Variants in KCNT1 observed in about 807,000 individuals in gnomAD.
The protein encoded by KCNT1 is potassium sodium-activated channel subfamily T member 1.
Under a neutral mutation model 147.8 loss-of-function variants are expected in KCNT1, and 78 were observed. The ratio of observed to expected loss-of-function variants is 0.53; its 90% CI spans 0.44 to 0.64. The LOEUF (loss-of-function observed/expected upper bound fraction) is 0.64. Among genes scored for constraint, KCNT1 ranks in the 30% least tolerant of loss-of-function variants. KCNT1 has a pLI of 0.00. For synonymous variants in KCNT1, 867 were observed against 748.8 expected (o/e 1.16, Z -2.58); for missense variants, 1,419 against 1,750.3 (o/e 0.81, Z 3.38).
At chr9:135,733,955 C>A (rs942632287) in intron 2 of KCNT1, among the ~76,000 whole-genome samples, 3 of 150,370 alleles carry the variant, frequency 2.0e-5, no homozygotes, top group African/African-American at 7.4e-5. Context: ...CGCTGTCCCT[C>A]CCCCCTAGTC....
Position 135,770,853 on chromosome 9 carries a change from C to T in KCNT1, c.1770-4C>T. ...TACCTGAAGTTGCCGGTGCCTCTGC[C>T]CAGGTATGGCGTGTGCCTCATCGGG... On this transcript the variant is annotated splice_region_variant and splice_polypyrimidine_tract_variant and intron_variant, in intron 17 of 30. Transcript: ENST00000371757. 1.3e-6 allele frequency: 2 copies of T among 1,562,988 alleles called. No homozygotes were observed. Among genetic ancestry groups the T allele is most frequent in the South Asian group, 1.2e-5 (1 of 85,422 alleles).
In KCNT1 at chr9:135,777,526, C is replaced by A; in HGVS notation, c.2522+16C>A. The A allele has an allele frequency of 6.2e-7, 1 of 1,608,888 alleles. No individual in the cohort carries two copies. Among genetic ancestry groups the A allele is most frequent in the Middle Eastern group, 2.0e-4 (1 of 4,924 alleles). On this transcript the variant is annotated intron_variant, in intron 21 of 30. Transcript: ENST00000371757. Reference sequence around the variant, plus strand: ...TGGACAACAAGTGAGGCTCCTGGGGCTCAGCCCACCCCGCCCACCCGGGCC... The same window carrying A: ...TGGACAACAAGTGAGGCTCCTGGGGATCAGCCCACCCCGCCCACCCGGGCC...
intron 19 of KCNT1, among the ~76,000 whole-genome samples, chr9:135,774,270 TTGTG>T (rs925902617): frequency 6.9e-6 from 1 of 143,960 alleles, no homozygotes; most frequent in South Asian, 2.3e-4. Context: ...GTGGTGTCTG[TTGTG>T]TGTGTGGTGT....
rs568155737 is a variant in KCNT1, at chr9:135,759,170, C to T, written c.855-509C>T. Among the ~76,000 whole-genome samples, 4 of 152,224 alleles carry T rather than the reference C, an allele frequency of 2.6e-5. No homozygotes were observed. In the South Asian group the frequency reaches 6.2e-4, roughly 24 times the overall value. The stretch of plus-strand genomic sequence containing the variant: ...AGCATCTGGGACCTGGCGGCGACCC[C>T]AGCCCTGCCCATTAGACCTCCCAGC... On this transcript the variant is annotated intron_variant, in intron 10 of 30. Transcript: ENST00000371757.
rs1394130616 is a variant in KCNT1 at position 135,785,212 on chromosome 9, A to C, written c.3157-98A>C. The C allele has an allele frequency of 7.7e-6, 12 of 1,548,826 alleles. No homozygotes were observed. In the East Asian group the frequency reaches 2.7e-4, roughly 35 times the overall value. On this transcript the variant is annotated intron_variant, in intron 27 of 30. Transcript: ENST00000371757. ...CCACACAGCAGCAGGCACCGTGCCC[A>C]CCAGCCCTAAGCATGTTCCGTGCAG...
In KCNT1 at chr9:135,750,926, G is replaced by A. The variant is rs151217665; in HGVS notation, c.335-16G>A. On this transcript the variant is annotated splice_polypyrimidine_tract_variant and intron_variant, in intron 3 of 30. Coordinates refer to ENST00000371757, the MANE Select transcript of KCNT1 (RefSeq NM_020822.3). The stretch of plus-strand genomic sequence containing the variant: ...AGAGCTGGGTCAGAGCCCTGAGGCC[G>A]CTGCCCTCCCCGCAGGCCTGAGGAT... The A allele has an allele frequency of 5.0e-4, 811 of 1,610,266 alleles. 11 individuals are homozygous for A. In the East Asian group the frequency reaches 0.017, roughly 34 times the overall value.
intron 7 of KCNT1, 60 bp downstream of exon 7, chr9:135,756,992 G>GCCCCCCCCCCCCC (rs1564351666): frequency 1.5e-6 from 1 of 688,794 alleles, no homozygotes; most frequent in Non-Finnish European, 2.2e-6. Flanking sequence ...ACCCTCCCCA[G>GCCCCCCCCCCCCC]CCTCCCCCAC....
chr9:135,778,860 C>A (rs372536100), intron 23 of KCNT1, 38 bp downstream of exon 23: 4 of 1,602,550 alleles, frequency 2.5e-6, no homozygotes, highest in East Asian at 2.2e-5. Context: ...TAAACCACCC[C>A]ACAGCCACGA....
rs575988226 is a variant in KCNT1, at chr9:135,765,884, A to T, written c.1337+124A>T. ...GAGAGCCATGAGAGCATTATAGACTATCCCCAGGGTGGACCATCTAGGTGG... is the reference window on the plus strand; with the variant it reads ...GAGAGCCATGAGAGCATTATAGACTTTCCCCAGGGTGGACCATCTAGGTGG... On this transcript the variant is annotated intron_variant, in intron 13 of 30. Coordinates refer to ENST00000371757, the MANE Select transcript of KCNT1 (RefSeq NM_020822.3). 28 of 927,930 alleles carry T rather than the reference A, an allele frequency of 3.0e-5. 1 individual carries two copies. The highest frequency in any genetic ancestry group is 8.6e-5 in the South Asian group (5 of 58,098). 57.5% of individuals were successfully genotyped at this position (927,930 alleles called of 1,614,324 possible).
intron 2 of KCNT1, among the ~76,000 whole-genome samples, chr9:135,728,351 A>G (rs1836300294): frequency 6.6e-6 from 1 of 152,218 alleles, no homozygotes; most frequent in Non-Finnish European, 1.5e-5. Context: ...GTTTGGAGGG[A>G]GAACATCGGG....
intron 2 of KCNT1, among the ~76,000 whole-genome samples, chr9:135,740,222 A>G (rs1037263874): frequency 6.6e-6 from 1 of 152,154 alleles, no homozygotes; most frequent in African/African-American, 2.4e-5. Context: ...GGACTTCAGC[A>G]TGTTAGCCTG....
intron 29 of KCNT1, among the ~76,000 whole-genome samples, chr9:135,787,252 TGTG>T (rs974337923): frequency 7.9e-5 from 12 of 151,954 alleles, no homozygotes; most frequent in Non-Finnish European, 1.6e-4. Context: ...CTCTGCGCCT[TGTG>T]GTGGGAAGTG....
intron 10 of KCNT1, among the ~76,000 whole-genome samples, chr9:135,759,075 TC>T (rs896121247): frequency 6.6e-6 from 1 of 151,934 alleles, no homozygotes; most frequent in African/African-American, 2.4e-5. Context: ...CCGCCTCCCT[TC>T]CCCCCTGCCC....
intron 29 of KCNT1, chr9:135,791,424 AGGT>A: frequency 8.6e-5 from 21 of 245,572 alleles, no homozygotes; most frequent in South Asian, 3.0e-4. Flanking sequence ...CATGCATGTG[AGGT>A]GAACAGACAC....
Position 135,777,452 on chromosome 9 carries a change from C to T in KCNT1, c.2464C>T (p.Arg822Trp), listed in dbSNP as rs746067661. 5 of 1,614,034 alleles carry T rather than the reference C, an allele frequency of 3.1e-6. No individual in the cohort carries two copies. Among genetic ancestry groups the T allele is most frequent in the Non-Finnish European group, 4.2e-6 (5 of 1,179,938 alleles). ...GCTGTACAACTTCATCGTGCCACTGCGGGCCTACTACAGATCCCGCAAGGA... is the reference window on the plus strand; with the variant it reads ...GCTGTACAACTTCATCGTGCCACTGTGGGCCTACTACAGATCCCGCAAGGA... ...NGLYNFIVPL[R>W]AYYRSRKELN... Residue 822 changes from arginine to tryptophan, a missense_variant, in exon 21 of 31, where the codon CGG becomes TGG. By Grantham distance (101) the Arg-to-Trp change is moderately radical (BLOSUM62 -3). Around this residue, in one of 5 missense-constraint regions of KCNT1, gnomAD observed 247 missense variants for 397.1 expected, o/e 0.62. Transcript: ENST00000371757.
At chr9:135,769,847 G>A in intron 15 of KCNT1, 100 bp from the exon 16 acceptor site, 1 of 802,236 alleles carries the variant, frequency 1.2e-6, no homozygotes, top group East Asian at 2.7e-5. Context: ...TGCCAGGCAA[G>A]GGTGCATCTG....
At chr9:135,776,546 C>T (rs1164622285) in intron 20 of KCNT1, among the ~76,000 whole-genome samples, 3 of 152,154 alleles carry the variant, frequency 2.0e-5, no homozygotes, top group South Asian at 2.1e-4. Context: ...GGGTTACAGG[C>T]GTGAGCCACC....
chr9:135,771,398 G>A (rs1832753905), intron 18 of KCNT1, among the ~76,000 whole-genome samples: 1 of 152,216 alleles, frequency 6.6e-6, no homozygotes, highest in South Asian at 2.1e-4. Flanking sequence ...GAGTCTCTCT[G>A]GGCCTGTTTT....
intron 29 of KCNT1, chr9:135,788,053 C>G: frequency 1.0e-6 from 1 of 984,678 alleles, no homozygotes; most frequent in Non-Finnish European, 1.5e-6. Context: ...TGCTGATATT[C>G]TCTCTCTCTC....
Sources: gnomAD v4.1 joint callset for allele counts (sites outside exome capture counted in the v4.1 genomes callset) on GRCh38, gnomAD v4.1.1 for gene constraint, gnomAD v4.1.1 regional missense constraint, MANE v1.5 for transcripts, NCBI Gene and HGNC (gene_info 2026-07-23, HGNC 2026-07-21) for gene names.